The following THRAP3 variants were observed in gnomAD, a reference collection of about 807,000 sequenced individuals.
THRAP3 encodes thyroid hormone receptor associated protein 3, also known as thyroid hormone receptor-associated protein 3.
Under a neutral mutation model 101.0 loss-of-function variants are expected in THRAP3, and 16 were observed. That is an observed-to-expected ratio of 0.16 (90% confidence interval 0.11 to 0.24). THRAP3 has a LOEUF of 0.24. Ranked by LOEUF, THRAP3 falls within the 10% of genes least tolerant of loss-of-function variation. The pLI, the probability that THRAP3 is intolerant of heterozygous loss-of-function variation, is 1.00. For missense variants in THRAP3, 989 were observed against 1,202.7 expected, an observed-to-expected ratio of 0.82 and a Z score of 2.63; for synonymous variants, 407 against 422.6, an observed-to-expected ratio of 0.96 and a Z score of 0.45.
intron 1 of THRAP3, among the ~76,000 whole-genome samples, chr1:36,237,507 A>G (rs1167029299): frequency 1.3e-5 from 2 of 149,714 alleles, no homozygotes; most frequent in Non-Finnish European, 3.0e-5. Context: ...GCGATGGCTC[A>G]TGCCTGTAAT....
At chr1:36,256,594 C>CA (rs1645378983) in intron 1 of THRAP3, among the ~76,000 whole-genome samples, 2 of 152,122 alleles carry the variant, frequency 1.3e-5, no homozygotes, top group African/African-American at 4.8e-5. Context: ...CTGTTCTCCA[C>CA]GCAGCAGCGA....
In THRAP3 at chr1:36,286,910, C is replaced by G. The variant is rs746987023; in HGVS notation, c.680C>G (p.Thr227Ser). 1.2e-6 allele frequency: 2 copies of G among 1,614,212 alleles called. No individual in the cohort carries two copies. The highest frequency in any genetic ancestry group is 3.3e-5 in the Admixed American group (2 of 60,030). ...AGCTCGAAGCCATGGCCAGATGCCA[C>G]CTACGGCACTGGTTCTGCATCACGG... Reference protein sequence around the residue: ...SESSKPWPDATYGTGSASRAS... With the variant: ...SESSKPWPDASYGTGSASRAS... The change falls in exon 4 of 12, where the codon ACC (threonine) becomes AGC (serine). Residue 227 changes from threonine to serine, a missense_variant. Transcript: ENST00000354618. This position sits in a 1 kb window ranked among gnomAD's most constrained non-coding sequence, Gnocchi z 5.5.
At chr1:36,285,343 T>C (rs946586259) in intron 3 of THRAP3, among the ~76,000 whole-genome samples, 3 of 152,236 alleles carry the variant, frequency 2.0e-5, no homozygotes, top group Non-Finnish European at 4.4e-5. Context: ...TATATCATAG[T>C]AGATAGGAAA....
intron 2 of THRAP3, among the ~76,000 whole-genome samples, chr1:36,261,270 C>A (rs548737686): frequency 6.6e-6 from 1 of 152,042 alleles, no homozygotes; most frequent in East Asian, 1.9e-4. Flanking sequence ...CGGTGGCTCA[C>A]GCCTGTAATC....
chr1:36,280,987 G>A (rs981040564), intron 2 of THRAP3, among the ~76,000 whole-genome samples: 2 of 150,436 alleles, frequency 1.3e-5, no homozygotes, highest in South Asian at 2.1e-4. Flanking sequence ...GTGCAATGGC[G>A]CGATCTTGGC....
intron 9 of THRAP3, among the ~76,000 whole-genome samples, chr1:36,299,277 A>G (rs1462366723): frequency 6.6e-6 from 1 of 151,806 alleles, no homozygotes; most frequent in Non-Finnish European, 1.5e-5. Flanking sequence ...TGTCTCTACT[A>G]AAAATACAAA....
rs140149702 is a variant in THRAP3, at chr1:36,289,210, T to A, written c.1191T>A (p.Thr397=). The A allele has an allele frequency of 8.9e-5, 144 of 1,614,180 alleles. 2 individuals are homozygous for A. In the African/African-American group the frequency reaches 1.6e-3, roughly 18 times the overall value. ...AATCTGATTCTTTTGCTCCCAAAACTGATTCTGAGAAGCCTTTTCGGGGCA... is the reference window on the plus strand; with the variant it reads ...AATCTGATTCTTTTGCTCCCAAAACAGATTCTGAGAAGCCTTTTCGGGGCA... ...KMKSDSFAPK[T]DSEKPFRGSQ... The change falls in exon 5 of 12, where the codon ACT becomes ACA. Residue 397 remains threonine, a synonymous_variant. Transcript: ENST00000354618.
At chr1:36,229,951 C>G (rs997957996) in intron 1 of THRAP3, among the ~76,000 whole-genome samples, 113 of 59,294 alleles carry the variant, frequency 1.9e-3, no homozygotes, top group African/African-American at 6.5e-3. Flanking sequence ...CGCGCCCAGC[C>G]TTTTTTTTTT....
At chr1:36,214,412 C>T in the THRAP3 span, among the ~76,000 whole-genome samples, 1 of 152,110 alleles carries the variant, frequency 6.6e-6, no homozygotes, top group African/African-American at 2.4e-5. Context: ...TTGAATCTTC[C>T]CACTTTTCTT....
intron 2 of THRAP3, among the ~76,000 whole-genome samples, chr1:36,268,875 G>A (rs1390257066): frequency 6.6e-6 from 1 of 152,002 alleles, no homozygotes; most frequent in African/African-American, 2.4e-5. Flanking sequence ...ACAGGCGCCC[G>A]CCACCACGCC....
At chr1:36,226,165 C>T (rs1474390211) in intron 1 of THRAP3, among the ~76,000 whole-genome samples, 6 of 152,012 alleles carry the variant, frequency 3.9e-5, no homozygotes, top group African/African-American at 1.5e-4. Flanking sequence ...TATTTTGTTC[C>T]GAGGAATTGG....
chr1:36,247,332 CT>C (rs964816686), intron 1 of THRAP3, among the ~76,000 whole-genome samples: 12 of 148,712 alleles, frequency 8.1e-5, no homozygotes, highest in African/African-American at 1.7e-4. Flanking sequence ...GACAAATTAA[CT>C]TTTTTTTTTG....
At chr1:36,209,025 G>A in the THRAP3 span, among the ~76,000 whole-genome samples, 2 of 143,810 alleles carry the variant, frequency 1.4e-5, no homozygotes, top group Admixed American at 1.5e-4. Context: ...TGCCCAGGCT[G>A]GAGTGCAGTG....
chr1:36,226,774 C>T (rs1267929077), intron 1 of THRAP3, among the ~76,000 whole-genome samples: 7 of 152,100 alleles, frequency 4.6e-5, no homozygotes, highest in African/African-American at 1.7e-4. Flanking sequence ...ATTTATTCAA[C>T]AAATACTACT....
Position 36,303,879 on chromosome 1 carries a change from G to A in THRAP3, c.2730G>A (p.Arg910=). Residue 910 remains arginine, a synonymous_variant, in exon 12 of 12, where the codon CGG becomes CGA. Transcript: ENST00000354618. ...GRGAFPRGRG[R]FMFRKSSTSP... is the part of the protein sequence containing the mutation. The stretch of plus-strand genomic sequence containing the variant: ...GAGCCTTTCCTCGGGGTCGGGGCCG[G>A]TTCATGTTCCGGAAATCAAGTACCA... The A allele has an allele frequency of 6.2e-7, 1 of 1,613,898 alleles. No homozygotes were observed. Among genetic ancestry groups the A allele is most frequent in the Non-Finnish European group, 8.5e-7 (1 of 1,179,952 alleles).
the THRAP3 span, among the ~76,000 whole-genome samples, chr1:36,216,320 G>T: frequency 6.6e-6 from 1 of 151,830 alleles, no homozygotes; most frequent in African/African-American, 2.4e-5. Flanking sequence ...AAGAGTTCAA[G>T]ACCAGACTGG....
chr1:36,279,422 A>G (rs1645703791), intron 2 of THRAP3, among the ~76,000 whole-genome samples: 1 of 152,206 alleles, frequency 6.6e-6, no homozygotes, highest in Non-Finnish European at 1.5e-5. Context: ...CTTAAGAACA[A>G]CCAAAAAAAC....
Position 36,286,834 on chromosome 1 carries a change from A to C in THRAP3, c.604A>C (p.Lys202Gln). 1 of 1,614,230 alleles carries C rather than the reference A, an allele frequency of 6.2e-7. No homozygotes were observed. The change falls in exon 4 of 12, where the codon AAG becomes CAG. Residue 202 changes from lysine to glutamine, a missense_variant. Lys to Gln is a moderately conservative substitution (Grantham distance 53). Transcript: ENST00000354618. This position sits in a 1 kb window ranked among gnomAD's most constrained non-coding sequence, Gnocchi z 5.5. Reference sequence around the variant, plus strand: ...CGGGGATAACCAGGGAGATGAGGCCAAGGAGCAGACATTCTCTGGAGGCAC... The same window carrying C: ...CGGGGATAACCAGGGAGATGAGGCCCAGGAGCAGACATTCTCTGGAGGCAC... ...AAGDNQGDEA[K>Q]EQTFSGGTSQ...
chr1:36,260,618 C>T (rs1244179274), intron 2 of THRAP3, among the ~76,000 whole-genome samples: 4 of 151,786 alleles, frequency 2.6e-5, no homozygotes, highest in African/African-American at 7.3e-5. Context: ...GTCAGGAGAT[C>T]GAGACCATCC....
Sources: gnomAD v4.1 joint callset for allele counts (sites outside exome capture counted in the v4.1 genomes callset) on GRCh38, gnomAD v4.1.1 for gene constraint, Gnocchi (gnomAD v3.1) non-coding constraint, MANE v1.5 for transcripts, NCBI Gene and HGNC (gene_info 2026-07-23, HGNC 2026-07-21) for gene names.